Variants in SORCS1 observed in about 807,000 individuals in gnomAD.
SORCS1 encodes the protein sortilin related VPS10 domain containing receptor 1.
In SORCS1, 60 loss-of-function variants were observed where a neutral mutation model predicts 146.1. That is an observed-to-expected ratio of 0.41 (90% CI 0.33 to 0.51). The LOEUF (loss-of-function observed/expected upper bound fraction) is 0.51, where lower values mean the gene tolerates loss of function less well. Ranked by LOEUF, SORCS1 falls within the 20% of genes least tolerant of loss-of-function variation. The pLI is 0.21. For missense variants in SORCS1, 1,352 were observed against 1,487.6 expected, an observed-to-expected ratio of 0.91 and a Z score of 1.50; for synonymous variants, 637 against 584.0, an observed-to-expected ratio of 1.09 and a Z score of -1.31.
At chr10:106,798,002 C>T (rs537972042) in intron 3 of SORCS1, among the ~76,000 whole-genome samples, 3 of 152,296 alleles carry the variant, frequency 2.0e-5, no homozygotes, top group South Asian at 2.1e-4. Context: ...TATGGTTTGG[C>T]TGTGTCCCCA....
At chr10:106,600,853 G>A in intron 23 of SORCS1, 2 of 305,742 alleles carry the variant, frequency 6.5e-6, no homozygotes, top group African/African-American at 2.3e-5. Context: ...CAAAGAGAGA[G>A]ACAGCAGAAG....
At chr10:107,129,244 G>A (rs375671228) in intron 1 of SORCS1, among the ~76,000 whole-genome samples, 62 of 152,310 alleles carry the variant, frequency 4.1e-4, no homozygotes, top group Middle Eastern at 3.4e-3. Context: ...ACTGTCTGCT[G>A]TCATTCATTT....
At chr10:106,579,506 G>A in intron 24 of SORCS1, 32 bp from the exon 25 acceptor site, 11 of 1,607,988 alleles carry the variant, frequency 6.8e-6, no homozygotes, top group Non-Finnish European at 8.5e-6. Context: ...AGAAAAATGA[G>A]CAGAGAACTG....
intron 2 of SORCS1, among the ~76,000 whole-genome samples, chr10:106,896,947 G>A (rs538568549): frequency 1.4e-4 from 20 of 145,150 alleles, no homozygotes; most frequent in African/African-American, 5.0e-4. Context: ...CTGGAGTGCA[G>A]TGGTGCAATC....
At chr10:106,989,224 T>C (rs1564894236) in intron 1 of SORCS1, among the ~76,000 whole-genome samples, 2 of 131,066 alleles carry the variant, frequency 1.5e-5, no homozygotes, top group African/African-American at 6.0e-5. Flanking sequence ...GAGCTGAGAC[T>C]GCATCACCAC....
At chr10:106,779,603 T>C (rs1264696784) in intron 3 of SORCS1, among the ~76,000 whole-genome samples, 1 of 148,840 alleles carries the variant, frequency 6.7e-6, no homozygotes, top group African/African-American at 2.5e-5. Flanking sequence ...CAGGCTGTAA[T>C]GCAGTGACAC....
chr10:106,891,064 C>A (rs1951210954), intron 2 of SORCS1, among the ~76,000 whole-genome samples: 1 of 152,122 alleles, frequency 6.6e-6, no homozygotes, highest in East Asian at 1.9e-4. Flanking sequence ...CTGAATTTAT[C>A]CCCTACTTGA....
At position 106,659,103 on chromosome 10, in the gene SORCS1, T is replaced by C. The variant is rs559686476; in HGVS notation, c.2304-6550A>G. ...CAACAATAATCTTATGTAGCAGCCA[T>C]AGCATCAGCAATCAGGAATAGACTT... On this transcript the variant is annotated intron_variant, in intron 17 of 25. Transcript: ENST00000263054. Among the ~76,000 whole-genome samples, 94 of 152,352 alleles carry C rather than the reference T, an allele frequency of 6.2e-4. 1 individual carries two copies. Among genetic ancestry groups the C allele is most frequent in the African/African-American group, 2.2e-3 (92 of 41,592 alleles).
intron 5 of SORCS1, among the ~76,000 whole-genome samples, chr10:106,743,342 GCTGCCTGGCT>G (rs1378991358): frequency 6.6e-6 from 1 of 152,254 alleles, no homozygotes; most frequent in African/African-American, 2.4e-5. Context: ...ATGCCCTCCT[GCTGCCTGGCT>G]GCCACCAGTC....
chr10:106,812,226 T>G (rs1006607207), intron 3 of SORCS1, among the ~76,000 whole-genome samples: 1 of 152,168 alleles, frequency 6.6e-6, no homozygotes, highest in Non-Finnish European at 1.5e-5. Flanking sequence ...GGTCTCGATC[T>G]CCTGACCTCA....
chr10:106,968,584 G>T (rs941720776), intron 1 of SORCS1, among the ~76,000 whole-genome samples: 1 of 152,022 alleles, frequency 6.6e-6, no homozygotes, highest in Non-Finnish European at 1.5e-5. Flanking sequence ...TTATTCACAG[G>T]TCTGAAGAAG....
At chr10:106,654,350 A>G (rs1022875949) in intron 17 of SORCS1, among the ~76,000 whole-genome samples, 6 of 152,242 alleles carry the variant, frequency 3.9e-5, no homozygotes, top group African/African-American at 1.4e-4. Context: ...CTCAAGATCA[A>G]ATAGCCAGGA....
At chr10:106,784,654 A>G (rs1234747544) in intron 3 of SORCS1, among the ~76,000 whole-genome samples, 2 of 152,218 alleles carry the variant, frequency 1.3e-5, no homozygotes, top group African/African-American at 4.8e-5. Flanking sequence ...ACATCATTTT[A>G]AAATGTTAGC....
At chr10:106,617,835 T>C (rs1194969574) in intron 21 of SORCS1, among the ~76,000 whole-genome samples, 2 of 152,240 alleles carry the variant, frequency 1.3e-5, no homozygotes, top group Non-Finnish European at 2.9e-5. Flanking sequence ...ATTTTGTAAC[T>C]GGTATTCAAA....
At chr10:106,604,925 T>A (rs1253160721) in intron 23 of SORCS1, among the ~76,000 whole-genome samples, 1 of 152,218 alleles carries the variant, frequency 6.6e-6, no homozygotes, top group Non-Finnish European at 1.5e-5. Flanking sequence ...CCCCATGAGA[T>A]AAGTGTGACT....
chr10:106,706,213 GA>G (rs1307850853), intron 8 of SORCS1, among the ~76,000 whole-genome samples: 10 of 56,090 alleles, frequency 1.8e-4, no homozygotes, highest in South Asian at 1.2e-3. Flanking sequence ...AAAGAAAAAA[GA>G]AAGAAAGAGA....
intron 1 of SORCS1, among the ~76,000 whole-genome samples, chr10:107,102,164 G>T (rs546105659): frequency 2.2e-4 from 34 of 152,146 alleles, no homozygotes; most frequent in African/African-American, 4.3e-4. Context: ...ATGAACAAAT[G>T]CATGTTTAAT....
Position 106,699,247 on chromosome 10 carries a change from G to T in SORCS1, c.1380C>A (p.Gly460=), listed in dbSNP as rs1440680646. The change falls in exon 9 of 26, where the codon GGC becomes GGA. Residue 460 remains glycine, a synonymous_variant. Transcript: ENST00000263054. ...GGTCGATCATGATGTTGCCCTCAGG[G>T]CCTCTGCTGCTCTGGACATTCTCCA... The part of the protein sequence containing the change: ...LALENVQSSR[G]PEGNIMIDLY... The T allele has an allele frequency of 1.5e-5, 25 of 1,613,564 alleles. No individual in the cohort carries two copies. The highest frequency in any genetic ancestry group is 1.9e-5 in the Non-Finnish European group (22 of 1,179,780).
chr10:106,879,559 T>G (rs1045982756), intron 2 of SORCS1, among the ~76,000 whole-genome samples: 1 of 152,192 alleles, frequency 6.6e-6, no homozygotes, highest in Non-Finnish European at 1.5e-5. Context: ...TGGTTACTGA[T>G]CAGTTGTCCT....
Sources: allele counts gnomAD v4.1 joint callset (sites outside exome capture counted in the v4.1 genomes callset), GRCh38; gene constraint gnomAD v4.1.1; transcripts MANE v1.5; gene names NCBI Gene and HGNC (gene_info 2026-07-23, HGNC 2026-07-21).